XPO4: variants seen among roughly 807,000 people sequenced by gnomAD.
The protein encoded by XPO4 is exportin-4.
In XPO4, 39 loss-of-function variants were observed where a neutral mutation model predicts 143.0. The observed-to-expected ratio is 0.27, with a 90% CI of 0.21 to 0.36. XPO4 has a LOEUF of 0.36. XPO4 is among the 10% of genes least tolerant of loss of function. The probability of loss-of-function intolerance (pLI) is 1.00; values close to 1 mark genes in which losing one functional copy is unlikely to be tolerated. For synonymous variants in XPO4, 439 were observed against 474.0 expected, an observed-to-expected ratio of 0.93 and a Z score of 0.96; for missense variants, 907 against 1,348.0, an observed-to-expected ratio of 0.67 and a Z score of 5.12.
intron 6 of XPO4, among the ~76,000 whole-genome samples, chr13:20,831,708 T>C (rs2585907): frequency 0.82 from 125,099 of 152,036 alleles, 51,640 homozygotes; most frequent in East Asian, 1. Context: ...TGCTAACCCT[T>C]TATCTTAAAA....
At chr13:20,894,133 T>C (rs1044064670) in intron 1 of XPO4, among the ~76,000 whole-genome samples, 1 of 152,160 alleles carries the variant, frequency 6.6e-6, no homozygotes, top group South Asian at 2.1e-4. Context: ...TAAGCCACGG[T>C]GTCCAGCCAG....
intron 4 of XPO4, chr13:20,850,074 C>A: frequency 1.0e-6 from 1 of 969,398 alleles, no homozygotes; most frequent in Non-Finnish European, 1.2e-6. Context: ...CCAATGCACT[C>A]CAGCCTGGGC....
intron 4 of XPO4, among the ~76,000 whole-genome samples, chr13:20,847,383 T>C (rs1439096151): frequency 6.6e-6 from 1 of 152,082 alleles, no homozygotes; most frequent in Non-Finnish European, 1.5e-5. Context: ...GTAATGAAGA[T>C]AGCTAGGGAA....
At chr13:20,862,660 A>G (rs1424190931) in intron 3 of XPO4, 57 bp downstream of exon 3, 22 of 1,597,510 alleles carry the variant, frequency 1.4e-5, no homozygotes, top group Non-Finnish European at 1.8e-5. Flanking sequence ...AAAAGCTCTA[A>G]AAAGATACAC....
chr13:20,846,290 C>T (rs2060028176), intron 4 of XPO4, among the ~76,000 whole-genome samples: 1 of 152,180 alleles, frequency 6.6e-6, no homozygotes, highest in Non-Finnish European at 1.5e-5. Flanking sequence ...TACTTTTTCA[C>T]ATGAAACAAA....
At position 20,777,823 on chromosome 13, in the gene XPO4, G is replaced by A. The variant is rs1225920988; in HGVS notation, c.*5899C>T. Reference sequence around the variant, plus strand: ...TGCTATATATTAAAAATAATTTACAGGGACACTCAGTAGGAGGTTGAATTA... The same window carrying A: ...TGCTATATATTAAAAATAATTTACAAGGACACTCAGTAGGAGGTTGAATTA... On this transcript the variant is annotated 3_prime_UTR_variant, in exon 23 of 23. Coordinates refer to ENST00000255305, the MANE Select transcript of XPO4 (RefSeq NM_022459.5). 6.6e-6 allele frequency: 1 copy of A among 152,152 alleles called. No homozygotes were observed. The highest frequency in any genetic ancestry group is 1.5e-5 in the Non-Finnish European group (1 of 68,034). The allele number at this position is 152,152 out of a possible 1,614,324, so 9.4% of individuals were successfully genotyped here.
At chr13:20,865,519 T>A in intron 2 of XPO4, 1 of 984,826 alleles carries the variant, frequency 1.0e-6, no homozygotes. Flanking sequence ...TTTAGGTCAC[T>A]TTAGCAAAAT....
At chr13:20,807,660 G>GA in intron 12 of XPO4, 26 bp from the exon 13 acceptor site, 1 of 1,529,886 alleles carries the variant, frequency 6.5e-7, no homozygotes, top group Non-Finnish European at 8.7e-7. Context: ...AATTAAAAAT[G>GA]AACACTTAAC....
chr13:20,873,758 G>A (rs73437475), intron 1 of XPO4, among the ~76,000 whole-genome samples: 9,026 of 152,158 alleles, frequency 0.059, 800 homozygotes, highest in African/African-American at 0.19. Context: ...AGCTCGTCTA[G>A]TAGCTGGGAC....
chr13:20,806,362 TA>T (rs1231979112), intron 13 of XPO4, among the ~76,000 whole-genome samples: 2 of 152,162 alleles, frequency 1.3e-5, no homozygotes, highest in Admixed American at 6.5e-5. Flanking sequence ...GATATCCATA[TA>T]TTTTTGCATA....
chr13:20,819,918 TA>T (rs2059698258), intron 9 of XPO4, among the ~76,000 whole-genome samples: 1 of 152,174 alleles, frequency 6.6e-6, no homozygotes, highest in Admixed American at 6.5e-5. Context: ...GGTTTACTCT[TA>T]AGAAAGTCAC....
rs548441885 is a variant in XPO4 at position 20,778,473 on chromosome 13, G to A, written c.*5249C>T. The stretch of plus-strand genomic sequence containing the variant: ...AAAGGGTGGATCTATCTAGCACACA[G>A]TAATATGGTAATTCACCACTTTCCC... On this transcript the variant is annotated 3_prime_UTR_variant, in exon 23 of 23. Coordinates refer to ENST00000255305, the MANE Select transcript of XPO4 (RefSeq NM_022459.5). 29 of 152,266 alleles carry A rather than the reference G, an allele frequency of 1.9e-4. No homozygotes were observed. The highest frequency in any genetic ancestry group is 3.8e-4 in the Non-Finnish European group (26 of 68,012). 9.4% of individuals were successfully genotyped at this position (152,266 alleles called of 1,614,324 possible).
chr13:20,831,106 CTTA>C (rs1222901110), intron 6 of XPO4, among the ~76,000 whole-genome samples: 5 of 151,750 alleles, frequency 3.3e-5, no homozygotes, highest in African/African-American at 1.2e-4. Context: ...CTTAATAATT[CTTA>C]TAAGAAATCA....
At chr13:20,867,254 T>C (rs2060252498) in intron 2 of XPO4, among the ~76,000 whole-genome samples, 2 of 152,208 alleles carry the variant, frequency 1.3e-5, no homozygotes, top group South Asian at 4.1e-4. Flanking sequence ...AAGGTAGTTG[T>C]TGAACCTGTT....
chr13:20,883,351 C>G (rs2060431315), intron 1 of XPO4, among the ~76,000 whole-genome samples: 1 of 152,046 alleles, frequency 6.6e-6, no homozygotes, highest in Non-Finnish European at 1.5e-5. Context: ...ATCAGAAAAC[C>G]CAATGAATCC....
intron 18 of XPO4, among the ~76,000 whole-genome samples, chr13:20,793,854 G>C (rs2059318516): frequency 6.6e-6 from 1 of 152,128 alleles, no homozygotes; most frequent in African/African-American, 2.4e-5. Context: ...AGTCCTACTG[G>C]GTCCAGGGCA....
At chr13:20,855,091 T>C (rs925191297) in intron 4 of XPO4, among the ~76,000 whole-genome samples, 1 of 152,212 alleles carries the variant, frequency 6.6e-6, no homozygotes, top group East Asian at 1.9e-4. Flanking sequence ...TGAATATTTA[T>C]GGCAACATGG....
intron 18 of XPO4, among the ~76,000 whole-genome samples, chr13:20,793,474 T>G (rs150749912): frequency 5.6e-4 from 85 of 152,318 alleles, no homozygotes; most frequent in South Asian, 3.9e-3. Context: ...GAATGGCAGA[T>G]GGGAGGAAGT....
chr13:20,866,657 A>C (rs1002439578), intron 2 of XPO4, among the ~76,000 whole-genome samples: 2 of 152,140 alleles, frequency 1.3e-5, no homozygotes, highest in African/African-American at 4.8e-5. Flanking sequence ...CATGCACTCC[A>C]CCTTTTAAAT....
Sources: allele counts gnomAD v4.1 joint callset (sites outside exome capture counted in the v4.1 genomes callset), GRCh38; gene constraint gnomAD v4.1.1; transcripts MANE v1.5; gene names NCBI Gene and HGNC (gene_info 2026-07-23, HGNC 2026-07-21).